The following GTF2I variants were observed in gnomAD, a reference collection of about 807,000 sequenced individuals.
The protein encoded by GTF2I is general transcription factor IIi.
Under a neutral mutation model 67.6 loss-of-function variants are expected in GTF2I, and 12 were observed. The observed-to-expected ratio is 0.18, with a 90% CI of 0.11 to 0.29. The LOEUF (loss-of-function observed/expected upper bound fraction) is 0.29, where lower values mean the gene tolerates loss of function less well. Among genes scored for constraint, GTF2I ranks in the 10% least tolerant of loss-of-function variants. The probability of loss-of-function intolerance (pLI) is 1.00; values close to 1 mark genes in which losing one functional copy is unlikely to be tolerated. For missense variants in GTF2I, 271 were observed against 580.1 expected (o/e 0.47, Z 5.47); for synonymous variants, 149 against 197.0 (o/e 0.76, Z 2.04).
At chr7:74,660,683 G>T (rs1390694650) in intron 1 of GTF2I, among the ~76,000 whole-genome samples, 1 of 143,704 alleles carries the variant, frequency 7.0e-6, no homozygotes, top group Non-Finnish European at 1.5e-5. Context: ...GTGCAGTGGC[G>T]CGATCTCGGC....
intron 1 of GTF2I, among the ~76,000 whole-genome samples, chr7:74,665,087 G>A (rs1363573195): frequency 6.6e-6 from 1 of 151,676 alleles, no homozygotes; most frequent in Non-Finnish European, 1.5e-5. Context: ...TTACAGGTAT[G>A]TGCCACCACC....
rs782386770 is a variant in GTF2I, at chr7:74,711,126, C to T, written c.763+17C>T. On this transcript the variant is annotated intron_variant, in intron 9 of 34. Coordinates refer to ENST00000573035, the MANE Select transcript of GTF2I (RefSeq NM_032999.4). ...ACATTCAAGGTAATTTGAATTAATG[C>T]AATTTTTCTTTCTAAAAATTATTCG... 22 of 1,105,256 alleles carry T rather than the reference C, an allele frequency of 2.0e-5. No individual in the cohort carries two copies. The African/African-American group carries it at 3.6e-4, about 18-fold the overall frequency. 68.5% of individuals were successfully genotyped at this position (1,105,256 alleles called of 1,614,324 possible).
At chr7:74,665,968 T>G (rs782366369) in intron 1 of GTF2I, among the ~76,000 whole-genome samples, 23 of 152,194 alleles carry the variant, frequency 1.5e-4, no homozygotes, top group Non-Finnish European at 2.8e-4. Context: ...GCTTCCCAAG[T>G]AGCTGGGACT....
intron 1 of GTF2I, among the ~76,000 whole-genome samples, chr7:74,670,790 A>G (rs1805386436): frequency 6.6e-6 from 1 of 151,878 alleles, no homozygotes; most frequent in Non-Finnish European, 1.5e-5. Context: ...TCTCTTCCAA[A>G]TGGTTTTTCC....
intron 12 of GTF2I, among the ~76,000 whole-genome samples, chr7:74,721,562 A>G (rs900778101): frequency 6.6e-6 from 1 of 151,884 alleles, no homozygotes. Context: ...TATGTATATT[A>G]TATAGAAATT....
At chr7:74,705,265 A>G in intron 7 of GTF2I, 47 bp downstream of exon 7, 1 of 1,145,884 alleles carries the variant, frequency 8.7e-7, no homozygotes, top group Non-Finnish European at 1.3e-6. Flanking sequence ...CACCTCAAAA[A>G]GTTTTAGTTG....
intron 1 of GTF2I, among the ~76,000 whole-genome samples, chr7:74,661,780 T>A (rs1804520667): frequency 6.6e-6 from 1 of 152,210 alleles, no homozygotes; most frequent in Admixed American, 6.5e-5. Flanking sequence ...GAATTCCTGT[T>A]AGCCATGATT....
intron 1 of GTF2I, among the ~76,000 whole-genome samples, chr7:74,662,609 G>A: frequency 7.6e-6 from 1 of 131,270 alleles, no homozygotes; most frequent in Non-Finnish European, 1.5e-5. Flanking sequence ...TGCTACCTCT[G>A]CCTCCTGGGT....
At chr7:74,673,631 G>A (rs587769466) in intron 1 of GTF2I, among the ~76,000 whole-genome samples, 3 of 150,460 alleles carry the variant, frequency 2.0e-5, no homozygotes, top group African/African-American at 4.9e-5. Flanking sequence ...GCCTCACCTC[G>A]CCCTCCCAAA....
At chr7:74,688,756 G>C (rs1787974028) in intron 1 of GTF2I, among the ~76,000 whole-genome samples, 1 of 152,146 alleles carries the variant, frequency 6.6e-6, no homozygotes, top group Non-Finnish European at 1.5e-5. Context: ...GATGTTCAGG[G>C]GAGAAGAGGG....
chr7:74,662,947 C>G (rs117518423), intron 1 of GTF2I, among the ~76,000 whole-genome samples: 1 of 152,148 alleles, frequency 6.6e-6, no homozygotes, highest in Non-Finnish European at 1.5e-5. Context: ...TGTACACACT[C>G]CTCAGGGGAT....
chr7:74,693,202 T>C (rs1788511696), intron 3 of GTF2I, among the ~76,000 whole-genome samples: 1 of 151,944 alleles, frequency 6.6e-6, no homozygotes, highest in African/African-American at 2.4e-5. Context: ...TGTTGCATTT[T>C]GGTAACTCTT....
At chr7:74,726,961 C>T (rs913150733) in intron 12 of GTF2I, 51 of 151,716 alleles carry the variant, frequency 3.4e-4, no homozygotes, top group African/African-American at 1.2e-3. Context: ...GAGACCCTGC[C>T]GATAGATAGA....
intron 5 of GTF2I, 60 bp from the exon 6 acceptor site, chr7:74,700,546 A>T: frequency 6.2e-7 from 1 of 1,600,870 alleles, no homozygotes; most frequent in Non-Finnish European, 8.6e-7. Context: ...ATTTAAATGT[A>T]TGCTTTACAA....
chr7:74,701,886 C>T (rs1252450762), intron 6 of GTF2I, among the ~76,000 whole-genome samples: 1 of 152,210 alleles, frequency 6.6e-6, no homozygotes, highest in Non-Finnish European at 1.5e-5. Flanking sequence ...GTCCCTGTCT[C>T]TGTTATTTCA....
At chr7:74,658,706 T>TCCGC (rs1804176471) in intron 1 of GTF2I, among the ~76,000 whole-genome samples, 1 of 149,690 alleles carries the variant, frequency 6.7e-6, no homozygotes, top group Non-Finnish European at 1.5e-5. Context: ...CCAGGTGGAG[T>TCCGC]CCGCAGTGGG....
intron 15 of GTF2I, 94 bp downstream of exon 15, chr7:74,732,756 A>G: frequency 1.3e-6 from 2 of 1,508,654 alleles, no homozygotes; most frequent in Non-Finnish European, 8.8e-7. Flanking sequence ...ACTAGGTTCT[A>G]TGTGATGAAG....
At chr7:74,666,857 G>A (rs2131198149) in intron 1 of GTF2I, among the ~76,000 whole-genome samples, 1 of 151,786 alleles carries the variant, frequency 6.6e-6, no homozygotes, top group South Asian at 2.1e-4. Context: ...GCGGGTGCCT[G>A]TAGTCCCAGC....
intron 1 of GTF2I, among the ~76,000 whole-genome samples, chr7:74,665,584 T>C (rs1455071959): frequency 6.6e-6 from 1 of 152,106 alleles, no homozygotes; most frequent in Non-Finnish European, 1.5e-5. Flanking sequence ...TAATAGAACA[T>C]GTTTCGCTTC....
Sources: gnomAD v4.1 joint callset for allele counts (sites outside exome capture counted in the v4.1 genomes callset) on GRCh38, gnomAD v4.1.1 for gene constraint, MANE v1.5 for transcripts, NCBI Gene and HGNC (gene_info 2026-07-23, HGNC 2026-07-21) for gene names.